Variants in TUSC3 observed in about 807,000 individuals in gnomAD.
TUSC3 encodes tumor suppressor candidate 3, also known as dolichyl-diphosphooligosaccharide--protein glycosyltransferase subunit TUSC3.
Under a neutral mutation model 44.8 loss-of-function variants are expected in TUSC3, and 45 were observed. The observed-to-expected ratio is 1.00, with a 90% CI of 0.79 to 1.29. TUSC3 has a LOEUF of 1.29. Ranked by LOEUF, TUSC3 falls within the 50% of genes most tolerant of loss-of-function variation. The pLI is 0.00. For synonymous variants in TUSC3, 212 were observed against 152.9 expected (o/e 1.39, Z -2.85); for missense variants, 519 against 437.9 (o/e 1.19, Z -1.65).
chr8:15,718,335 A>C (rs1432982383), intron 6 of TUSC3, among the ~76,000 whole-genome samples: 1 of 152,108 alleles, frequency 6.6e-6, no homozygotes, highest in Non-Finnish European at 1.5e-5. Context: ...GCCGAAGTTG[A>C]AGCTTAGGTC....
intron 9 of TUSC3, among the ~76,000 whole-genome samples, chr8:15,755,409 T>A (rs1481211005): frequency 6.6e-6 from 1 of 152,178 alleles, no homozygotes; most frequent in African/African-American, 2.4e-5. Context: ...TATTTAATCT[T>A]CTGCTAAAAA....
At chr8:15,807,459 T>C in the TUSC3 span, among the ~76,000 whole-genome samples, 2 of 152,086 alleles carry the variant, frequency 1.3e-5, no homozygotes, top group African/African-American at 4.8e-5. Context: ...AAATTAAAGC[T>C]TTTAATGTCT....
chr8:15,753,691 A>T (rs1382118398), intron 9 of TUSC3, among the ~76,000 whole-genome samples: 1 of 151,966 alleles, frequency 6.6e-6, no homozygotes, highest in Non-Finnish European at 1.5e-5. Context: ...TATTTTATCA[A>T]CTCTCTTGTG....
chr8:15,518,517 A>G (rs1373108877), intron 2 of TUSC3, among the ~76,000 whole-genome samples: 2 of 152,188 alleles, frequency 1.3e-5, no homozygotes, highest in South Asian at 4.1e-4. Context: ...TGTTTATTTT[A>G]ACTAGTTGGG....
At chr8:15,461,967 T>A (rs1406600560) in intron 1 of TUSC3, among the ~76,000 whole-genome samples, 6 of 152,080 alleles carry the variant, frequency 3.9e-5, no homozygotes, top group African/African-American at 1.4e-4. Flanking sequence ...AATAAGTGCT[T>A]CTGGTGATGG....
the TUSC3 span, chr8:15,806,130 T>C: frequency 2.3e-6 from 1 of 443,018 alleles, no homozygotes; most frequent in Admixed American, 2.8e-5. Context: ...GTAAACTCCA[T>C]GGCTAGATGA....
intron 1 of TUSC3, among the ~76,000 whole-genome samples, chr8:15,606,996 A>T (rs1804557164): frequency 6.6e-6 from 1 of 151,974 alleles, no homozygotes; most frequent in South Asian, 2.1e-4. Context: ...TAATATTTTA[A>T]TCCAGTTAAT....
At chr8:15,446,535 G>A (rs947024553) in intron 1 of TUSC3, among the ~76,000 whole-genome samples, 9 of 152,014 alleles carry the variant, frequency 5.9e-5, no homozygotes, top group African/African-American at 1.7e-4. Flanking sequence ...AGACCAGCCC[G>A]GCCAACACGG....
chr8:15,787,126 G>C, the TUSC3 span, among the ~76,000 whole-genome samples: 1 of 151,898 alleles, frequency 6.6e-6, no homozygotes, highest in African/African-American at 2.4e-5. Context: ...TTTCCTCTGG[G>C]TAAAATCAGG....
At chr8:15,648,891 G>A (rs569649087) in intron 2 of TUSC3, among the ~76,000 whole-genome samples, 2 of 151,928 alleles carry the variant, frequency 1.3e-5, no homozygotes, top group Non-Finnish European at 2.9e-5. Flanking sequence ...TTGTGTTACC[G>A]TGTGAGACTT....
At chr8:15,550,371 TA>T (rs1472347714) in intron 1 of TUSC3, among the ~76,000 whole-genome samples, 2 of 151,746 alleles carry the variant, frequency 1.3e-5, no homozygotes, top group Non-Finnish European at 1.5e-5. Context: ...GGACATAGTG[TA>T]AATCATAAGA....
chr8:15,708,240 A>G (rs576979355), intron 6 of TUSC3, among the ~76,000 whole-genome samples: 10 of 152,064 alleles, frequency 6.6e-5, no homozygotes, highest in African/African-American at 2.4e-4. Context: ...GATTCAGGAT[A>G]ATAAATGTAG....
At chr8:15,469,755 C>G (rs910333279) in intron 1 of TUSC3, among the ~76,000 whole-genome samples, 1 of 152,178 alleles carries the variant, frequency 6.6e-6, no homozygotes, top group Admixed American at 6.5e-5. Flanking sequence ...AGATGTCCTT[C>G]AGTGGATGAA....
chr8:15,808,272 T>A, the TUSC3 span, among the ~76,000 whole-genome samples: 1 of 152,074 alleles, frequency 6.6e-6, no homozygotes, highest in Non-Finnish European at 1.5e-5. Context: ...TTTCAAATAT[T>A]GGTTATTATT....
chr8:15,704,100 T>C (rs1169328681), intron 6 of TUSC3, among the ~76,000 whole-genome samples: 2 of 151,852 alleles, frequency 1.3e-5, no homozygotes, highest in Non-Finnish European at 2.9e-5. Flanking sequence ...TGATAGAAGG[T>C]TGAGGAGAAT....
At chr8:15,787,538 C>A in the TUSC3 span, among the ~76,000 whole-genome samples, 1 of 152,086 alleles carries the variant, frequency 6.6e-6, no homozygotes, top group Non-Finnish European at 1.5e-5. Flanking sequence ...TCAATGAAAA[C>A]CTTAGAATAA....
At chr8:15,798,594 T>C in the TUSC3 span, among the ~76,000 whole-genome samples, 1 of 151,980 alleles carries the variant, frequency 6.6e-6, no homozygotes, top group African/African-American at 2.4e-5. Flanking sequence ...GCAGCTTTGG[T>C]TCAACCAAAG....
At chr8:15,836,234 G>C in the TUSC3 span, among the ~76,000 whole-genome samples, 1 of 151,714 alleles carries the variant, frequency 6.6e-6, no homozygotes, top group African/African-American at 2.4e-5. Flanking sequence ...CCAGCACTTT[G>C]GGAGGCTAAG....
At chr8:15,571,658 C>A (rs1472435966) in intron 1 of TUSC3, among the ~76,000 whole-genome samples, 1 of 152,040 alleles carries the variant, frequency 6.6e-6, no homozygotes, top group East Asian at 1.9e-4. Context: ...ACATTGATTC[C>A]CTCTTTATTT....
Sources: allele counts gnomAD v4.1 joint callset (sites outside exome capture counted in the v4.1 genomes callset), GRCh38; gene constraint gnomAD v4.1.1; transcripts MANE v1.5; gene names NCBI Gene and HGNC (gene_info 2026-07-23, HGNC 2026-07-21).